The following RNF213 variants were observed in gnomAD, a reference collection of about 807,000 sequenced individuals.
The protein encoded by RNF213 is ring finger protein 213.
In RNF213, 341 loss-of-function variants were observed where a neutral mutation model predicts 514.4. That is an observed-to-expected ratio of 0.66 (90% CI 0.61 to 0.73). RNF213 has a LOEUF of 0.73. RNF213 is among the 30% of genes least tolerant of loss of function. The probability of loss-of-function intolerance (pLI) is 0.00; values close to 1 mark genes in which losing one functional copy is unlikely to be tolerated. For synonymous variants in RNF213, 2,655 were observed against 2,658.2 expected (o/e 1.00, Z 0.04); for missense variants, 5,767 against 6,615.6 (o/e 0.87, Z 4.45).
rs1484241222 is a variant in RNF213 at position 80,328,268 on chromosome 17, C to A, written c.3368-60C>A. The A allele has an allele frequency of 2.0e-6, 3 of 1,493,792 alleles. No individual in the cohort carries two copies. In the African/African-American group the frequency reaches 4.2e-5, roughly 21 times the overall value. 92.5% of individuals were successfully genotyped at this position (1,493,792 alleles called of 1,614,324 possible). On this transcript the variant is annotated intron_variant, in intron 19 of 67. Coordinates refer to ENST00000582970, the MANE Select transcript of RNF213 (RefSeq NM_001256071.3). ...AAGGTGCGGCGCTTTCAAAGCATTG[C>A]CATGGAAAATGGCATTTGTTGCTGT... is the stretch of plus-strand genomic sequence containing the variant.
chr17:80,308,944 A>G (rs2045468206), intron 13 of RNF213, 74 bp from the exon 14 acceptor site: 2 of 1,554,870 alleles, frequency 1.3e-6, no homozygotes, highest in South Asian at 1.1e-5. Context: ...GGAAGGAGCT[A>G]GTCATCAATG....
chr17:80,290,997 C>T (rs989990047), intron 7 of RNF213, among the ~76,000 whole-genome samples: 3 of 151,882 alleles, frequency 2.0e-5, no homozygotes, highest in Non-Finnish European at 2.9e-5. Context: ...TTAGTAGAGA[C>T]GGAGTTTCTA....
At chr17:80,372,052 C>A in intron 47 of RNF213, 67 bp downstream of exon 47, 1 of 896,998 alleles carries the variant, frequency 1.1e-6, no homozygotes, top group Non-Finnish European at 1.9e-6. Flanking sequence ...TTAAAATTTA[C>A]AGAATATAAT....
chr17:80,367,678 C>T, intron 42 of RNF213, 70 bp from the exon 43 acceptor site: 1 of 1,233,376 alleles, frequency 8.1e-7, no homozygotes, highest in Middle Eastern at 2.0e-4. Context: ...GTGGTGCTCC[C>T]TCTGTCGCCC....
chr17:80,290,434 T>C (rs1020760317), intron 6 of RNF213, 136 bp from the exon 7 acceptor site: 64 of 1,023,664 alleles, frequency 6.3e-5, no homozygotes, highest in Admixed American at 4.6e-4. Flanking sequence ...AGTGTGCGCG[T>C]GTGTGCATGT....
At position 80,340,235 on chromosome 17, in the gene RNF213, C is replaced by T. The variant is rs777348031; in HGVS notation, c.5868C>T (p.Leu1956=). 10 of 1,614,002 alleles carry T rather than the reference C, an allele frequency of 6.2e-6. No individual in the cohort carries two copies. The highest frequency in any genetic ancestry group is 2.2e-5 in the East Asian group (1 of 44,882). ...TCTTCGTCACCCCCCAGGCACCCCTCGAGGCCATCCAAGCCTACCTGGCAG... is the reference window on the plus strand; with the variant it reads ...TCTTCGTCACCCCCCAGGCACCCCTTGAGGCCATCCAAGCCTACCTGGCAG... ...HKVFVTPQAP[L]EAIQAYLAGH... Residue 1956 remains leucine, a synonymous_variant, in exon 26 of 68, where the codon CTC becomes CTT. Transcript: ENST00000582970.
rs777546634 is a variant in RNF213 at position 80,354,201 on chromosome 17, C to G, written c.10726+35C>G. 5 of 1,608,462 alleles carry G rather than the reference C, an allele frequency of 3.1e-6. No individual in the cohort carries two copies. In the African/African-American group the frequency reaches 5.3e-5, roughly 17 times the overall value. ...TCCCCACCCCTCTTGCCCCTGCCCC[C>G]ACGTGGGCTCTTCCTGAGGAGTGGG... On this transcript the variant is annotated intron_variant, in intron 35 of 67. Coordinates refer to ENST00000582970, the MANE Select transcript of RNF213 (RefSeq NM_001256071.3).
chr17:80,366,655 G>A (rs1295254785), intron 42 of RNF213, among the ~76,000 whole-genome samples: 1 of 101,376 alleles, frequency 9.9e-6, no homozygotes, highest in Non-Finnish European at 2.1e-5. Flanking sequence ...AGCAATTCAA[G>A]GATGGCTCAA....
At chr17:80,380,254 A>G (rs1428395313) in intron 55 of RNF213, among the ~76,000 whole-genome samples, 2 of 152,204 alleles carry the variant, frequency 1.3e-5, no homozygotes, top group Non-Finnish European at 1.5e-5. Context: ...TGCTCCTTTC[A>G]GAGAGTGAGT....
chr17:80,291,053 C>A (rs2044707406), intron 7 of RNF213, among the ~76,000 whole-genome samples: 1 of 152,052 alleles, frequency 6.6e-6, no homozygotes, highest in South Asian at 2.1e-4. Flanking sequence ...CTCAGGTGAT[C>A]CGCCCGCCTA....
chr17:80,364,089 C>T (rs532308436), intron 41 of RNF213, among the ~76,000 whole-genome samples: 146 of 152,200 alleles, frequency 9.6e-4, no homozygotes, highest in Middle Eastern at 3.4e-3. Context: ...AAGGACACCC[C>T]GGGCGGGCAG....
At position 80,352,346 on chromosome 17, in the gene RNF213, T is replaced by C. The variant is rs1194871112; in HGVS notation, c.10303+543T>C. ...GCGTGCACCTCTCCTGGACTGACTC[T>C]AGGCAAGCTCCTCACCTCTTAGCAT... On this transcript the variant is annotated intron_variant, in intron 32 of 67. Coordinates refer to ENST00000582970, the MANE Select transcript of RNF213 (RefSeq NM_001256071.3). 2.9e-5 allele frequency: 7 copies of C among 237,626 alleles called. No homozygotes were observed. The East Asian group carries it at 7.0e-4, about 24-fold the overall frequency. 14.7% of individuals were successfully genotyped at this position (237,626 alleles called of 1,614,324 possible).
intron 46 of RNF213, among the ~76,000 whole-genome samples, chr17:80,370,450 T>A (rs1293552164): frequency 2.0e-5 from 3 of 152,162 alleles, no homozygotes; most frequent in African/African-American, 4.8e-5. Context: ...TGCCCTTTTT[T>A]AAAAAACATG....
chr17:80,345,104 T>C lies in RNF213; in HGVS notation c.6769T>C (p.Phe2257Leu). The C allele has an allele frequency of 6.2e-7, 1 of 1,614,134 alleles. No homozygotes were observed. Among genetic ancestry groups the C allele is most frequent in the African/African-American group, 1.3e-5 (1 of 75,014 alleles). ...GAAGTTCGTGGTGACCTTCATGATC[T>C]TTATGGCAAGAGATTTTGCCACACC... ...FKKFVVTFMI[F>L]MARDFATPSL... Residue 2257 changes from phenylalanine (F) to leucine (L), a missense_variant, in exon 29 of 68, where the codon TTT becomes CTT. This residue lies in a region of RNF213 where 1,377 missense variants were observed against 1,635.2 expected (regional missense o/e 0.84). Transcript: ENST00000582970. The surrounding 1 kb of genome is among the most constrained non-coding windows in gnomAD (Gnocchi z 6.0).
chr17:80,287,697 G>A, intron 3 of RNF213, 118 bp from the exon 4 acceptor site: 1 of 974,530 alleles, frequency 1.0e-6, no homozygotes, highest in Non-Finnish European at 1.6e-6. Flanking sequence ...CAGATGTTAG[G>A]TACTTTGGTC....
At chr17:80,321,709 G>T (rs2046141423) in intron 17 of RNF213, among the ~76,000 whole-genome samples, 1 of 152,114 alleles carries the variant, frequency 6.6e-6, no homozygotes, top group Non-Finnish European at 1.5e-5. Context: ...TGGGTATGAA[G>T]TGGTATCTCC....
chr17:80,280,902 C>T (rs765914009), intron 3 of RNF213, among the ~76,000 whole-genome samples: 8 of 152,162 alleles, frequency 5.3e-5, no homozygotes, highest in South Asian at 2.1e-4. Flanking sequence ...AACAGAGGCG[C>T]GACCTGGGGA....
rs190522152 is a variant in RNF213, at chr17:80,270,150, T to G, written c.98-3091T>G. 6.8e-3 allele frequency among the ~76,000 whole-genome samples: 1,031 copies of G among 152,346 alleles called. 10 individuals are homozygous for G. Among genetic ancestry groups the G allele is most frequent in the African/African-American group, 0.024 (1,000 of 41,582 alleles). On this transcript the variant is annotated intron_variant, in intron 2 of 67. Transcript: ENST00000582970. ...TTAATGTGAGTGGCAGCTCGTGCCC[T>G]GCGCATGCCTTGCTACTTTCATGTA...
chr17:80,304,249 A>G (rs1323295488), intron 11 of RNF213, among the ~76,000 whole-genome samples: 1 of 151,994 alleles, frequency 6.6e-6, no homozygotes, highest in African/African-American at 2.4e-5. Flanking sequence ...CATTGTCAAC[A>G]TTTTGGGTCT....
Sources: gnomAD v4.1 joint callset for allele counts (sites outside exome capture counted in the v4.1 genomes callset) on GRCh38, gnomAD v4.1.1 for gene constraint, gnomAD v4.1.1 regional missense constraint, Gnocchi (gnomAD v3.1) non-coding constraint, MANE v1.5 for transcripts, NCBI Gene and HGNC (gene_info 2026-07-23, HGNC 2026-07-21) for gene names.